The following DLGAP2 variants were observed in gnomAD, a reference collection of about 807,000 sequenced individuals.
The protein encoded by DLGAP2 is DLG associated protein 2, also known as disks large-associated protein 2.
DLGAP2 carries 26 observed loss-of-function variants against 100.3 expected under a neutral mutation model. The observed-to-expected ratio is 0.26, with a 90% CI of 0.19 to 0.36. DLGAP2 has a LOEUF of 0.36. DLGAP2 is among the 10% of genes least tolerant of loss of function. DLGAP2 has a pLI of 1.00. For missense variants in DLGAP2, 1,858 were observed against 1,453.2 expected (o/e 1.28, Z -4.53); for synonymous variants, 886 against 630.1 (o/e 1.41, Z -6.08).
chr8:1,474,312 T>C (rs1798876008), intron 3 of DLGAP2, among the ~76,000 whole-genome samples: 1 of 152,204 alleles, frequency 6.6e-6, no homozygotes, highest in African/African-American at 2.4e-5. Flanking sequence ...TTCCGTGTTT[T>C]TGTGATTGTG....
chr8:1,041,555 C>A (rs1408351060), intron 2 of DLGAP2, among the ~76,000 whole-genome samples: 2 of 150,498 alleles, frequency 1.3e-5, no homozygotes, highest in African/African-American at 4.9e-5. Flanking sequence ...TTCTCCGAAC[C>A]CCTTGCCGTG....
At chr8:1,238,661 C>A (rs1231964598) in intron 2 of DLGAP2, among the ~76,000 whole-genome samples, 1 of 122,530 alleles carries the variant, frequency 8.2e-6, no homozygotes, top group Non-Finnish European at 1.8e-5. Flanking sequence ...GGTGCCGTGT[C>A]TAGTTCTCTC....
intron 3 of DLGAP2, among the ~76,000 whole-genome samples, chr8:1,313,659 C>G (rs573443695): frequency 1.3e-5 from 2 of 152,084 alleles, no homozygotes; most frequent in African/African-American, 4.8e-5. Context: ...GGCTCTGTCC[C>G]GGGATACCTC....
intron 1 of DLGAP2, among the ~76,000 whole-genome samples, chr8:882,033 C>T (rs1797810203): frequency 6.6e-6 from 1 of 152,158 alleles, no homozygotes; most frequent in South Asian, 2.1e-4. Flanking sequence ...GTGTCCTGTT[C>T]ATTCTGGGCA....
At chr8:1,445,515 G>C (rs1797961763) in intron 3 of DLGAP2, among the ~76,000 whole-genome samples, 1 of 151,890 alleles carries the variant, frequency 6.6e-6, no homozygotes, top group Non-Finnish European at 1.5e-5. Flanking sequence ...TTGGTTCCAA[G>C]TCTTTGCTAT....
chr8:1,683,461 G>T (rs372756991), intron 12 of DLGAP2, among the ~76,000 whole-genome samples: 2 of 151,390 alleles, frequency 1.3e-5, no homozygotes, highest in Admixed American at 1.3e-4. Flanking sequence ...TTCTGTGGCC[G>T]GGGCATTCCC....
intron 3 of DLGAP2, among the ~76,000 whole-genome samples, chr8:1,325,518 T>C (rs1309684229): frequency 2.0e-5 from 3 of 152,236 alleles, no homozygotes; most frequent in Non-Finnish European, 4.4e-5. Flanking sequence ...TAAAAAACTT[T>C]GTACGCATAC....
intron 3 of DLGAP2, among the ~76,000 whole-genome samples, chr8:1,269,798 A>G (rs1240608685): frequency 6.6e-6 from 1 of 152,158 alleles, no homozygotes; most frequent in African/African-American, 2.4e-5. Flanking sequence ...AGACACTGAC[A>G]TTGTATTTTT....
chr8:1,083,288 C>T (rs575567440), intron 2 of DLGAP2, among the ~76,000 whole-genome samples: 11 of 152,310 alleles, frequency 7.2e-5, no homozygotes, highest in Admixed American at 2.0e-4. Flanking sequence ...CAAGGCCAAG[C>T]GTGGGACATG....
intron 2 of DLGAP2, among the ~76,000 whole-genome samples, chr8:1,239,632 G>A (rs369542481): frequency 2.8e-4 from 9 of 32,540 alleles, no homozygotes; most frequent in East Asian, 1.9e-3. Context: ...ACATGGCGCC[G>A]TGTCTAGTTA....
chr8:1,036,678 G>A (rs1259631839), intron 2 of DLGAP2, among the ~76,000 whole-genome samples: 2 of 152,122 alleles, frequency 1.3e-5, no homozygotes, highest in Non-Finnish European at 1.5e-5. Context: ...CTAGAGAGCA[G>A]CTGTCGTGTA....
At chr8:739,055 G>C (rs1563404252) in intron 1 of DLGAP2, 1 of 155,602 alleles carries the variant, frequency 6.4e-6, no homozygotes, top group African/African-American at 2.4e-5. Flanking sequence ...TTGGAAATTC[G>C]TGACTTGTCG....
intron 2 of DLGAP2, among the ~76,000 whole-genome samples, chr8:1,027,230 T>G (rs930779609): frequency 6.6e-6 from 1 of 152,260 alleles, no homozygotes; most frequent in South Asian, 2.1e-4. Flanking sequence ...AGTTAGCATA[T>G]TTGTGAATTA....
intron 3 of DLGAP2, among the ~76,000 whole-genome samples, 193 bp downstream of exon 3, chr8:1,259,076 C>G (rs76325818): frequency 6.6e-6 from 1 of 152,158 alleles, no homozygotes; most frequent in Non-Finnish European, 1.5e-5. Flanking sequence ...CTCAGCAGCT[C>G]GTCTCTGAAG....
At chr8:1,466,899 T>G (rs996878090) in intron 3 of DLGAP2, among the ~76,000 whole-genome samples, 4 of 152,178 alleles carry the variant, frequency 2.6e-5, no homozygotes, top group African/African-American at 9.7e-5. Flanking sequence ...TTCCCTTAAC[T>G]ACAGCCTAAA....
intron 1 of DLGAP2, among the ~76,000 whole-genome samples, chr8:812,790 T>C (rs971205785): frequency 1.3e-5 from 2 of 152,192 alleles, no homozygotes; most frequent in South Asian, 2.1e-4. Context: ...AGAAATGAGA[T>C]CAAAATTACA....
rs571344738 is a variant in DLGAP2, at chr8:1,119,034, T to G, written c.74-139817T>G. 8.5e-5 allele frequency among the ~76,000 whole-genome samples: 13 copies of G among 152,378 alleles called. No homozygotes were observed. In the South Asian group the frequency reaches 2.5e-3, roughly 29 times the overall value. On this transcript the variant is annotated intron_variant, in intron 2 of 14. Transcript: ENST00000637795. ...TGACTGTATAATTACTTCATATAAA[T>G]ACTTAATAGACAACTTTACCATTAA...
intron 1 of DLGAP2, among the ~76,000 whole-genome samples, chr8:906,033 AGCTAACCGTCG>A (rs1798372919): frequency 6.6e-6 from 1 of 152,186 alleles, no homozygotes; most frequent in African/African-American, 2.4e-5. Flanking sequence ...GTTAGTCTGG[AGCTAACCGTCG>A]GTGCTGGGGA....
At chr8:844,527 C>A (rs186403824) in intron 1 of DLGAP2, among the ~76,000 whole-genome samples, 1 of 152,174 alleles carries the variant, frequency 6.6e-6, no homozygotes, top group East Asian at 1.9e-4. Flanking sequence ...TGCTGTCCTT[C>A]GTCGCCCATC....
Sources: gnomAD v4.1 joint callset for allele counts (sites outside exome capture counted in the v4.1 genomes callset) on GRCh38, gnomAD v4.1.1 for gene constraint, MANE v1.5 for transcripts, NCBI Gene and HGNC (gene_info 2026-07-23, HGNC 2026-07-21) for gene names.